Variants in BICRAL observed in about 807,000 individuals in gnomAD.
BICRAL encodes BICRA like chromatin remodeling complex associated protein, also known as BRD4-interacting chromatin-remodeling complex-associated protein-like.
A neutral mutation model predicts 91.8 loss-of-function variants in BICRAL; 8 were observed. The ratio of observed to expected loss-of-function variants is 0.09; its 90% CI spans 0.05 to 0.16. The LOEUF is 0.16. BICRAL is among the 10% of genes least tolerant of loss of function. The pLI is 1.00. For missense variants in BICRAL, 1,038 were observed against 1,310.9 expected (o/e 0.79, Z 3.21); for synonymous variants, 445 against 491.1 (o/e 0.91, Z 1.24).
At chr6:42,763,909 TAAA>T (rs138073714) in intron 1 of BICRAL, among the ~76,000 whole-genome samples, 26 of 136,084 alleles carry the variant, frequency 1.9e-4, no homozygotes, top group South Asian at 2.4e-4. Flanking sequence ...TTTAGTGCAT[TAAA>T]AAAAAAAAAA....
In BICRAL at chr6:42,865,540, A is replaced by G. The variant is rs911107121; in HGVS notation, c.*94A>G. 7.6e-6 allele frequency: 5 copies of G among 659,736 alleles called. No individual in the cohort carries two copies. Among genetic ancestry groups the G allele is most frequent in the African/African-American group, 7.3e-5 (4 of 55,054 alleles). 40.9% of individuals were successfully genotyped at this position (659,736 alleles called of 1,614,324 possible). On this transcript the variant is annotated 3_prime_UTR_variant, in exon 13 of 13. Transcript: ENST00000314073. The stretch of plus-strand genomic sequence containing the variant: ...TCGTTCCTGGCAAAAGCAAATGGAA[A>G]TGGTCTCCTGTCTCCAGCCTGCTTG...
At chr6:42,771,392 A>G (rs1181737095) in intron 1 of BICRAL, among the ~76,000 whole-genome samples, 1 of 139,822 alleles carries the variant, frequency 7.2e-6, no homozygotes, top group Non-Finnish European at 1.5e-5. Context: ...TACTTTTCTC[A>G]TTTGTTTGTG....
rs1765759834 is a variant in BICRAL, at chr6:42,867,908, C to G, written c.*2462C>G. Reference sequence around the variant, plus strand: ...GAAGATTATGACATGTATTTCACTCCTGTGATTAGGTTCTACGCACATGGG... The same window carrying G: ...GAAGATTATGACATGTATTTCACTCGTGTGATTAGGTTCTACGCACATGGG... On this transcript the variant is annotated 3_prime_UTR_variant, in exon 13 of 13. Coordinates refer to ENST00000314073, the MANE Select transcript of BICRAL (RefSeq NM_001393499.1). 6.6e-6 allele frequency: 1 copy of G among 152,448 alleles called. No homozygotes were observed. Among genetic ancestry groups the G allele is most frequent in the Non-Finnish European group, 1.5e-5 (1 of 68,022 alleles). The allele number at this position is 152,448 out of a possible 1,614,324, so 9.4% of individuals were successfully genotyped here.
rs1024757896 is a variant in BICRAL, at chr6:42,853,556, G to A, written c.1946-82G>A. ...CCCGTTTCAGAATGCTCAACAGTCT[G>A]TACCCATTGGGTTCTAGGGTTATAT... On this transcript the variant is annotated intron_variant, in intron 7 of 12. Transcript: ENST00000314073. The A allele has an allele frequency of 2.3e-5, 22 of 957,338 alleles. No individual in the cohort carries two copies. In the South Asian group the frequency reaches 2.5e-4, roughly 11 times the overall value. 59.3% of individuals were successfully genotyped at this position (957,338 alleles called of 1,614,324 possible). A position where few individuals can be genotyped will look rare whatever the true frequency, so the allele number is the denominator to read the frequency against.
chr6:42,751,153 CTT>C (rs751356400), intron 1 of BICRAL, among the ~76,000 whole-genome samples: 2 of 140,996 alleles, frequency 1.4e-5, no homozygotes, highest in Admixed American at 7.2e-5. Flanking sequence ...CCTTAAATCA[CTT>C]TTTTTTTTTT....
chr6:42,855,987 A>G, intron 9 of BICRAL, 70 bp downstream of exon 9: 3 of 1,187,502 alleles, frequency 2.5e-6, no homozygotes, highest in South Asian at 2.4e-5. Flanking sequence ...CAATAAATAT[A>G]CCACAGAAAA....
rs560168127 is a variant in BICRAL, at chr6:42,837,030, C to G, written c.1839+6858C>G. 5.5e-3 allele frequency among the ~76,000 whole-genome samples: 831 copies of G among 152,016 alleles called. 6 individuals carry two copies. The highest frequency in any genetic ancestry group is 8.0e-3 in the Non-Finnish European group (542 of 67,980). Reference sequence around the variant, plus strand: ...CACTATCTCGGCTCACTGCAAGCTCCGCCTCCCAGGTTCAAGCGATTCTCC... The same window carrying G: ...CACTATCTCGGCTCACTGCAAGCTCGGCCTCCCAGGTTCAAGCGATTCTCC... On this transcript the variant is annotated intron_variant, in intron 6 of 12. Coordinates refer to ENST00000314073, the MANE Select transcript of BICRAL (RefSeq NM_001393499.1).
At chr6:42,809,760 G>A (rs759335689) in intron 1 of BICRAL, among the ~76,000 whole-genome samples, 3 of 151,712 alleles carry the variant, frequency 2.0e-5, no homozygotes, top group South Asian at 2.1e-4. Flanking sequence ...ATAAGCCACC[G>A]TGCCCAGCTG....
chr6:42,859,643 T>C (rs1258485730), intron 10 of BICRAL, among the ~76,000 whole-genome samples: 1 of 151,860 alleles, frequency 6.6e-6, no homozygotes, highest in South Asian at 2.1e-4. Flanking sequence ...CTCATTGATA[T>C]ATATATATTT....
intron 1 of BICRAL, among the ~76,000 whole-genome samples, chr6:42,772,242 T>G (rs75943181): frequency 0.04 from 6,103 of 152,132 alleles, 397 homozygotes; most frequent in African/African-American, 0.14. Flanking sequence ...TTCAAAAACC[T>G]TTGTTTCAAT....
chr6:42,851,964 T>C (rs1388456240), intron 6 of BICRAL, 128 bp from the exon 7 acceptor site: 3 of 605,600 alleles, frequency 5.0e-6, no homozygotes, highest in Non-Finnish European at 5.9e-6. Context: ...AATTATTAAA[T>C]TTTTGGTTTG....
intron 1 of BICRAL, among the ~76,000 whole-genome samples, chr6:42,782,987 A>G (rs1228703895): frequency 1.5e-4 from 18 of 123,110 alleles, no homozygotes; most frequent in South Asian, 9.4e-4. Context: ...GGGGGAGGGG[A>G]GAGGGTGGGG....
intron 1 of BICRAL, among the ~76,000 whole-genome samples, chr6:42,801,246 G>A (rs1281766348): frequency 3.4e-5 from 3 of 89,378 alleles, no homozygotes; most frequent in East Asian, 3.6e-4. Flanking sequence ...GCGAGACTCT[G>A]TTTAAAAAAA....
Position 42,822,820 on chromosome 6 carries a change from T to A in BICRAL, c.66T>A (p.Phe22Leu). 6.4e-7 allele frequency: 1 copy of A among 1,572,316 alleles called. No individual in the cohort carries two copies. Among genetic ancestry groups the A allele is most frequent in the Non-Finnish European group, 8.7e-7 (1 of 1,143,004 alleles). Residue 22 changes from phenylalanine (F) to leucine (L), a missense_variant, in exon 4 of 13, where the codon TTT (phenylalanine) becomes TTA (leucine). Coordinates refer to ENST00000314073, the MANE Select transcript of BICRAL (RefSeq NM_001393499.1). ...LIGDPQALNY[F>L]LHGPSNKSSN... ...GAGACCCACAAGCATTGAACTATTT[T>A]CTACATGGACCTAGTAATAAATCTG...
intron 5 of BICRAL, among the ~76,000 whole-genome samples, chr6:42,825,095 C>G (rs1394209287): frequency 6.6e-6 from 1 of 151,830 alleles, no homozygotes; most frequent in East Asian, 1.9e-4. Flanking sequence ...CCCATCTCTA[C>G]TAAAAATGCA....
At chr6:42,758,030 G>A (rs1328772208) in intron 1 of BICRAL, among the ~76,000 whole-genome samples, 1 of 152,108 alleles carries the variant, frequency 6.6e-6, no homozygotes, top group East Asian at 1.9e-4. Flanking sequence ...CCAAACGGGG[G>A]ATCAGAGCCA....
chr6:42,789,748 TA>T (rs1341123632), intron 1 of BICRAL, among the ~76,000 whole-genome samples: 1 of 152,134 alleles, frequency 6.6e-6, no homozygotes, highest in Non-Finnish European at 1.5e-5. Context: ...TTACTGAAAC[TA>T]AAGAGAAAGT....
rs749889419 is a variant in BICRAL, at chr6:42,829,043, T to C, written c.710T>C (p.Ile237Thr). 2 of 1,614,094 alleles carry C rather than the reference T, an allele frequency of 1.2e-6. No individual in the cohort carries two copies. The highest frequency in any genetic ancestry group is 1.7e-6 in the Non-Finnish European group (2 of 1,179,944). The stretch of plus-strand genomic sequence containing the variant: ...AATAACCTAGATGGATCTCAAATCA[T>C]ATTAAAGGGCAGCGGGCAGCAAGCC... ...TINNLDGSQI[I>T]LKGSGQQAPS... The change falls in exon 6 of 13, where the codon ATA becomes ACA. Residue 237 changes from isoleucine to threonine, a missense_variant. Physicochemically the swap from Ile to Thr is moderately conservative, Grantham distance 89. Around this residue, in one of 5 missense-constraint regions of BICRAL, gnomAD observed 532 missense variants for 724.9 expected, o/e 0.73. Coordinates refer to ENST00000314073, the MANE Select transcript of BICRAL (RefSeq NM_001393499.1).
intron 6 of BICRAL, among the ~76,000 whole-genome samples, chr6:42,843,800 C>CTT (rs55723359): frequency 2.0e-5 from 2 of 102,122 alleles, no homozygotes; most frequent in African/African-American, 3.8e-5. Flanking sequence ...TAAATTTCTT[C>CTT]TTTTTTTTTT....
Sources: gnomAD v4.1 joint callset for allele counts (sites outside exome capture counted in the v4.1 genomes callset) on GRCh38, gnomAD v4.1.1 for gene constraint, gnomAD v4.1.1 regional missense constraint, MANE v1.5 for transcripts, NCBI Gene and HGNC (gene_info 2026-07-23, HGNC 2026-07-21) for gene names.